SLC6A5: variants seen among roughly 807,000 people sequenced by gnomAD.
SLC6A5 encodes the protein sodium- and chloride-dependent glycine transporter 2.
Under a neutral mutation model 90.5 loss-of-function variants are expected in SLC6A5, and 58 were observed. The ratio of observed to expected loss-of-function variants is 0.64; its 90% CI spans 0.52 to 0.80. The LOEUF is 0.80. SLC6A5 is among the 30% of genes least tolerant of loss of function. The probability of loss-of-function intolerance (pLI) is 0.00; values close to 1 mark genes in which losing one functional copy is unlikely to be tolerated. For synonymous variants in SLC6A5, 427 were observed against 401.4 expected (o/e 1.06, Z -0.76); for missense variants, 1,015 against 1,017.6 (o/e 1.00, Z 0.03).
At chr11:20,606,667 T>C (rs967133388) in intron 3 of SLC6A5, among the ~76,000 whole-genome samples, 2 of 152,056 alleles carry the variant, frequency 1.3e-5, no homozygotes, top group Non-Finnish European at 2.9e-5. Flanking sequence ...AGGCATGGAC[T>C]GGTTGAGCTC....
chr11:20,652,984 G>A (rs1366056029), intron 15 of SLC6A5, among the ~76,000 whole-genome samples: 2 of 152,176 alleles, frequency 1.3e-5, no homozygotes, highest in African/African-American at 2.4e-5. Flanking sequence ...GACGTGGCTG[G>A]TATGAGGTGA....
At chr11:20,646,969 A>C in intron 14 of SLC6A5, 35 bp downstream of exon 14, 1 of 1,299,260 alleles carries the variant, frequency 7.7e-7, no homozygotes, top group Non-Finnish European at 1.1e-6. Flanking sequence ...TGCAGACAGC[A>C]CCTTGCATAC....
At position 20,654,956 on chromosome 11, in the gene SLC6A5, T is replaced by A. The variant is rs774450254; in HGVS notation, c.*88T>A. ...TTCCATAGCTCTCCTCCCATTTTTCTTCATCTTTCTTCCTACATCTTGGTT... is the reference window on the plus strand; with the variant it reads ...TTCCATAGCTCTCCTCCCATTTTTCATCATCTTTCTTCCTACATCTTGGTT... On this transcript the variant is annotated 3_prime_UTR_variant, in exon 16 of 16. Transcript: ENST00000525748. 1 of 1,326,786 alleles carries A rather than the reference T, an allele frequency of 7.5e-7. No individual in the cohort carries two copies. The highest frequency in any genetic ancestry group is 1.1e-6 in the Non-Finnish European group (1 of 918,206). The allele number at this position is 1,326,786 out of a possible 1,614,324, so 82.2% of individuals were successfully genotyped here.
At chr11:20,645,082 G>A (rs1200809977) in intron 13 of SLC6A5, among the ~76,000 whole-genome samples, 1 of 152,002 alleles carries the variant, frequency 6.6e-6, no homozygotes, top group African/African-American at 2.4e-5. Context: ...CAAAATGCTG[G>A]GATTACAGGA....
chr11:20,634,996 G>A (rs577006200), intron 10 of SLC6A5, among the ~76,000 whole-genome samples: 3 of 152,236 alleles, frequency 2.0e-5, no homozygotes, highest in East Asian at 1.9e-4. Context: ...CAGTGAGACC[G>A]TGAGGCAGGG....
intron 10 of SLC6A5, among the ~76,000 whole-genome samples, chr11:20,631,126 A>G (rs961838670): frequency 6.6e-6 from 1 of 152,198 alleles, no homozygotes; most frequent in Non-Finnish European, 1.5e-5. Context: ...CCTGTTAGGT[A>G]TGAGTAGAGA....
chr11:20,633,335 C>A (rs1372404322), intron 10 of SLC6A5, among the ~76,000 whole-genome samples: 1 of 152,188 alleles, frequency 6.6e-6, no homozygotes, highest in Non-Finnish European at 1.5e-5. Flanking sequence ...GTTCAGATAC[C>A]TTACTAATCA....
chr11:20,625,509 G>A (rs556377843), intron 7 of SLC6A5, among the ~76,000 whole-genome samples: 4 of 152,142 alleles, frequency 2.6e-5, no homozygotes, highest in African/African-American at 4.8e-5. Flanking sequence ...TGATCTGCCC[G>A]CCTTGACCTC....
intron 7 of SLC6A5, among the ~76,000 whole-genome samples, chr11:20,624,077 G>A (rs1257321236): frequency 7.2e-6 from 1 of 138,328 alleles, no homozygotes; most frequent in African/African-American, 2.6e-5. Flanking sequence ...CATATTAGTT[G>A]CTCTAAATAT....
intron 9 of SLC6A5, among the ~76,000 whole-genome samples, chr11:20,630,153 T>C (rs898579691): frequency 1.3e-5 from 2 of 152,236 alleles, no homozygotes; most frequent in Non-Finnish European, 2.9e-5. Context: ...CTCACTGCTC[T>C]AGGGGCTGGG....
At chr11:20,652,180 A>G in intron 14 of SLC6A5, 109 bp from the exon 15 acceptor site, 1 of 992,762 alleles carries the variant, frequency 1.0e-6, no homozygotes, top group Non-Finnish European at 1.6e-6. Flanking sequence ...TCGTGGGTAT[A>G]GAATAATAGA....
At chr11:20,645,935 A>G (rs10741852) in intron 13 of SLC6A5, among the ~76,000 whole-genome samples, 103,517 of 152,008 alleles carry the variant, frequency 0.68, 35,540 homozygotes, top group East Asian at 0.9. Flanking sequence ...ACGCCCGGCC[A>G]GAATGATGAG....
rs1852531790 is a variant in SLC6A5, at chr11:20,604,229, G to C, written c.541-57G>C. On this transcript the variant is annotated intron_variant, in intron 2 of 15. Transcript: ENST00000525748. ...CCCTAGCGGGGGGGAGGGTGGAAGG[G>C]GCCTGCTTGTGGACCTACTCGGGGC... The C allele has an allele frequency of 1.9e-6, 3 of 1,557,872 alleles. No individual in the cohort carries two copies. The Admixed American group carries it at 5.3e-5, about 27-fold the overall frequency.
intron 6 of SLC6A5, among the ~76,000 whole-genome samples, chr11:20,616,650 G>C (rs7942801): frequency 0.023 from 3,552 of 152,276 alleles, 150 homozygotes; most frequent in African/African-American, 0.079. Flanking sequence ...TTTTGCCGTG[G>C]AACCAAGTTT....
chr11:20,623,449 C>T (rs11025658), intron 7 of SLC6A5, among the ~76,000 whole-genome samples: 35,129 of 152,030 alleles, frequency 0.23, 4,566 homozygotes, highest in Non-Finnish European at 0.3. Context: ...CCAGCTCCAG[C>T]GACAACACCC....
At chr11:20,617,504 G>A (rs530603801) in intron 6 of SLC6A5, among the ~76,000 whole-genome samples, 47 of 152,338 alleles carry the variant, frequency 3.1e-4, no homozygotes, top group African/African-American at 1.1e-3. Context: ...GCCATGAGCA[G>A]CCTCCCAGCA....
At position 20,652,299 on chromosome 11, in the gene SLC6A5, G is replaced by T; in HGVS notation, c.2081G>T (p.Cys694Phe). The change falls in exon 15 of 16, where the codon TGC becomes TTC. Residue 694 changes from cysteine to phenylalanine, a missense_variant. Cys to Phe is a radical substitution (Grantham distance 205). This residue lies in a region of SLC6A5 where 442 missense variants were observed against 494.3 expected (regional missense o/e 0.89). Coordinates refer to ENST00000525748, the MANE Select transcript of SLC6A5 (RefSeq NM_004211.5). ...VTPTILTFILCFSFYQWEPMT... is the reference protein window; with the variant it reads ...VTPTILTFILFFSFYQWEPMT... ...CTTTTCTCTTTCCAGTTTATCCTTT[G>T]CTTCAGCTTTTACCAGTGGGAGCCC... 1 of 1,614,112 alleles carries T rather than the reference G, an allele frequency of 6.2e-7. No individual in the cohort carries two copies. Among genetic ancestry groups the T allele is most frequent in the Non-Finnish European group, 8.5e-7 (1 of 1,180,020 alleles).
intron 1 of SLC6A5, among the ~76,000 whole-genome samples, chr11:20,600,402 GAAGAAGAAGA>G (rs1852444997): frequency 7.2e-6 from 1 of 138,394 alleles, no homozygotes; most frequent in Non-Finnish European, 1.6e-5. Flanking sequence ...AGAAGAAGAA[GAAGAAGAAGA>G]CCTAAACAAA....
Position 20,645,237 on chromosome 11 carries a change from C to T in SLC6A5, c.1970-1597C>T, listed in dbSNP as rs538224701. Among the ~76,000 whole-genome samples, 5 of 152,192 alleles carry T rather than the reference C, an allele frequency of 3.3e-5. No homozygotes were observed. In the East Asian group the frequency reaches 5.8e-4, roughly 18 times the overall value. On this transcript the variant is annotated intron_variant, in intron 13 of 15. Transcript: ENST00000525748. ...ACATCACATCCATCCTTCCCCACTTCCAAGTAGTAGAGGGCACGCATTGAA... is the reference window on the plus strand; with the variant it reads ...ACATCACATCCATCCTTCCCCACTTTCAAGTAGTAGAGGGCACGCATTGAA...
Sources: allele counts gnomAD v4.1 joint callset (sites outside exome capture counted in the v4.1 genomes callset), GRCh38; gene constraint gnomAD v4.1.1; regional missense constraint gnomAD v4.1.1; transcripts MANE v1.5; gene names NCBI Gene and HGNC (gene_info 2026-07-23, HGNC 2026-07-21).